The following XRCC4 variants were observed in gnomAD, a reference collection of about 807,000 sequenced individuals.
XRCC4 encodes the protein DNA repair protein XRCC4.
A neutral mutation model predicts 39.1 loss-of-function variants in XRCC4; 28 were observed. That is an observed-to-expected ratio of 0.72 (90% CI 0.53 to 0.98). The LOEUF is 0.98. XRCC4 is among the 50% of genes least tolerant of loss of function. XRCC4 has a pLI of 0.00. For missense variants in XRCC4, 350 were observed against 376.4 expected (o/e 0.93, Z 0.58); for synonymous variants, 123 against 126.4 (o/e 0.97, Z 0.18).
intron 7 of XRCC4, among the ~76,000 whole-genome samples, chr5:83,346,492 G>A (rs572508820): frequency 3.9e-5 from 6 of 152,192 alleles, no homozygotes; most frequent in African/African-American, 7.2e-5. Flanking sequence ...GATAAGTCAC[G>A]CTTTGTGAAC....
Position 83,102,695 on chromosome 5 carries a change from A to G in XRCC4, c.-10-2215A>G, listed in dbSNP as rs1010507150. ...CTTAGTTTTGTTTTAGAGTAGTCTT[A>G]AAACAACAGCTCCTTATCTGGCAAT... On this transcript the variant is annotated intron_variant, in intron 1 of 7. Transcript: ENST00000396027. Among the ~76,000 whole-genome samples the G allele has an allele frequency of 3.9e-5, 6 of 152,112 alleles. No individual in the cohort carries two copies. The South Asian group carries it at 6.2e-4, about 16-fold the overall frequency.
chr5:83,285,571 G>T (rs1754704538), intron 7 of XRCC4, among the ~76,000 whole-genome samples: 1 of 152,048 alleles, frequency 6.6e-6, no homozygotes. Context: ...TAACCTACTG[G>T]TTGACAGAAA....
chr5:83,299,164 T>C (rs1412889008), intron 7 of XRCC4, among the ~76,000 whole-genome samples: 1 of 152,094 alleles, frequency 6.6e-6, no homozygotes, highest in Non-Finnish European at 1.5e-5. Flanking sequence ...ATTTTTATTT[T>C]ACTTTTGATT....
At chr5:83,285,393 A>G (rs72769339) in intron 7 of XRCC4, among the ~76,000 whole-genome samples, 2,410 of 152,180 alleles carry the variant, frequency 0.016, 32 homozygotes, top group Non-Finnish European at 0.025. Context: ...AAAATTTTTC[A>G]TTTAACTTTA....
intron 3 of XRCC4, among the ~76,000 whole-genome samples, chr5:83,166,273 A>G (rs575666504): frequency 1.4e-4 from 21 of 152,258 alleles, no homozygotes; most frequent in East Asian, 3.9e-4. Flanking sequence ...TAGTGCTGCA[A>G]TGAACATACA....
chr5:83,137,092 T>G (rs548791901), intron 3 of XRCC4, among the ~76,000 whole-genome samples: 4 of 152,292 alleles, frequency 2.6e-5, no homozygotes, highest in African/African-American at 9.6e-5. Context: ...TTATTTATGA[T>G]TACCATCCAA....
intron 6 of XRCC4, among the ~76,000 whole-genome samples, chr5:83,217,513 T>C (rs552384311): frequency 2.6e-5 from 4 of 152,182 alleles, no homozygotes; most frequent in South Asian, 4.1e-4. Context: ...CTTCTTGTTT[T>C]TCTATTCTTA....
At chr5:83,187,700 G>C (rs1214784527) in intron 3 of XRCC4, among the ~76,000 whole-genome samples, 24 of 152,166 alleles carry the variant, frequency 1.6e-4, no homozygotes, top group Admixed American at 1.6e-3. Flanking sequence ...TTAATCTACA[G>C]AAGTTTCTGG....
chr5:83,178,648 G>A (rs1258100599), intron 3 of XRCC4, among the ~76,000 whole-genome samples: 1 of 151,878 alleles, frequency 6.6e-6, no homozygotes, highest in East Asian at 1.9e-4. Context: ...GAGGAGGAAG[G>A]CAGTAGTAAA....
rs976520094 is a variant in XRCC4 at position 83,144,591 on chromosome 5, T to A, written c.315+33388T>A. On this transcript the variant is annotated intron_variant, in intron 3 of 7. Transcript: ENST00000396027. ...ACCCCCACGGATTGGCTGAGCTTCT[T>A]GAATCTATGAATGTATGTCTTTCAA... Among the ~76,000 whole-genome samples, 5 of 117,202 alleles carry A rather than the reference T, an allele frequency of 4.3e-5. No individual in the cohort carries two copies. In the East Asian group the frequency reaches 1.5e-3, roughly 35 times the overall value. The allele number at this position is 117,202 out of a possible 152,430, so 76.9% of individuals were successfully genotyped here. A position where few individuals can be genotyped will look rare whatever the true frequency, so the allele number is the denominator to read the frequency against.
intron 3 of XRCC4, among the ~76,000 whole-genome samples, chr5:83,194,725 T>G (rs1165871209): frequency 2.6e-5 from 4 of 152,208 alleles, no homozygotes; most frequent in African/African-American, 9.6e-5. Flanking sequence ...CATCTTTCTT[T>G]GGAATTATGT....
intron 3 of XRCC4, among the ~76,000 whole-genome samples, chr5:83,190,288 TCA>T (rs1462101003): frequency 1.3e-5 from 2 of 152,124 alleles, no homozygotes; most frequent in African/African-American, 4.8e-5. Flanking sequence ...CAACTATGTA[TCA>T]CAACTATATA....
chr5:83,120,601 T>C (rs1292505125), intron 3 of XRCC4, among the ~76,000 whole-genome samples: 1 of 152,250 alleles, frequency 6.6e-6, no homozygotes, highest in African/African-American at 2.4e-5. Context: ...AGATGTCTCA[T>C]TGTGTGCTGT....
At chr5:83,357,493 G>A (rs565736815), downstream of XRCC4, among the ~76,000 whole-genome samples, 1 of 152,198 alleles carries the variant, frequency 6.6e-6, no homozygotes, top group South Asian at 2.1e-4. Flanking sequence ...TATCTTCCTC[G>A]GATCACATGA....
intron 3 of XRCC4, among the ~76,000 whole-genome samples, chr5:83,176,029 A>G (rs757140945): frequency 2.0e-5 from 3 of 151,918 alleles, no homozygotes; most frequent in Non-Finnish European, 4.4e-5. Flanking sequence ...CCCTGTCTAT[A>G]TAAAATAATA....
At chr5:83,083,168 T>C (rs1437086152) in intron 1 of XRCC4, among the ~76,000 whole-genome samples, 1 of 152,136 alleles carries the variant, frequency 6.6e-6, no homozygotes, top group Admixed American at 6.5e-5. Context: ...ACTTCAGCGC[T>C]TATCATTATT....
intron 3 of XRCC4, among the ~76,000 whole-genome samples, chr5:83,153,729 A>AT (rs1162501349): frequency 2.0e-5 from 3 of 152,156 alleles, no homozygotes; most frequent in Non-Finnish European, 2.9e-5. Flanking sequence ...AATGTCAATG[A>AT]TTTTTTTGTG....
At chr5:83,219,203 C>T (rs1378502871) in intron 6 of XRCC4, among the ~76,000 whole-genome samples, 4 of 152,222 alleles carry the variant, frequency 2.6e-5, no homozygotes, top group Middle Eastern at 6.8e-3. Context: ...ACCCTAATGA[C>T]CTCATTTTAA....
the XRCC4 span, among the ~76,000 whole-genome samples, chr5:83,363,879 C>T: frequency 2.0e-5 from 3 of 152,136 alleles, no homozygotes; most frequent in African/African-American, 4.8e-5. Context: ...CTGTCACTGT[C>T]GTCATTAATT....
Sources: allele counts gnomAD v4.1 joint callset (sites outside exome capture counted in the v4.1 genomes callset), GRCh38; gene constraint gnomAD v4.1.1; transcripts MANE v1.5; gene names NCBI Gene and HGNC (gene_info 2026-07-23, HGNC 2026-07-21).